Variants in CPVL observed in about 807,000 individuals in gnomAD.
CPVL encodes carboxypeptidase vitellogenic like.
Under a neutral mutation model 63.7 loss-of-function variants are expected in CPVL, and 51 were observed. The observed-to-expected ratio is 0.80, with a 90% CI of 0.64 to 1.01. CPVL has a LOEUF of 1.01. CPVL is among the 50% of genes least tolerant of loss of function. The pLI is 0.00. For synonymous variants in CPVL, 195 were observed against 206.0 expected (o/e 0.95, Z 0.46); for missense variants, 530 against 573.1 (o/e 0.92, Z 0.77).
chr7:29,059,987 T>C (rs768854992), intron 11 of CPVL, among the ~76,000 whole-genome samples: 5 of 152,186 alleles, frequency 3.3e-5, no homozygotes, highest in Non-Finnish European at 7.3e-5. Flanking sequence ...TTGTTTGGCT[T>C]TTTACTGTTG....
chr7:29,005,928 A>G (rs1371444117), intron 12 of CPVL, among the ~76,000 whole-genome samples: 5 of 152,220 alleles, frequency 3.3e-5, no homozygotes, highest in African/African-American at 1.2e-4. Flanking sequence ...GGAAGAGAGA[A>G]TAAGAGTGGG....
chr7:29,100,396 A>C (rs1389336925), intron 3 of CPVL, among the ~76,000 whole-genome samples: 1 of 152,212 alleles, frequency 6.6e-6, no homozygotes, highest in Non-Finnish European at 1.5e-5. Context: ...AGTCTTTCTC[A>C]AAAGCTCCCA....
At chr7:29,095,695 G>A (rs917472942) in intron 4 of CPVL, among the ~76,000 whole-genome samples, 14 of 152,066 alleles carry the variant, frequency 9.2e-5, no homozygotes, top group East Asian at 3.9e-4. Flanking sequence ...CGGGAATAGC[G>A]TCTTGCTTCC....
chr7:29,172,972 A>T (rs997593976), intron 5 of CPVL, among the ~76,000 whole-genome samples: 1 of 152,140 alleles, frequency 6.6e-6, no homozygotes, highest in South Asian at 2.1e-4. Context: ...TTCTACTAAA[A>T]ATACAAAAAT....
intron 3 of CPVL, among the ~76,000 whole-genome samples, chr7:29,100,811 A>G (rs896106187): frequency 2.0e-5 from 3 of 152,230 alleles, no homozygotes; most frequent in East Asian, 1.9e-4. Context: ...TTTTTAAAGA[A>G]AAGCCCACAC....
chr7:29,045,891 G>A (rs528670276), intron 11 of CPVL, among the ~76,000 whole-genome samples: 1 of 152,172 alleles, frequency 6.6e-6, no homozygotes, highest in Admixed American at 6.5e-5. Flanking sequence ...CCTAAAGGAA[G>A]ATCTTTTGAT....
At chr7:29,093,377 CAAAA>C (rs371165878) in intron 5 of CPVL, among the ~76,000 whole-genome samples, 3 of 70,012 alleles carry the variant, frequency 4.3e-5, no homozygotes, top group Admixed American at 1.7e-4. Flanking sequence ...ACTCCGTCTC[CAAAA>C]AAAAAAAAAA....
chr7:29,073,935 A>T (rs1783990527), intron 7 of CPVL, among the ~76,000 whole-genome samples: 1 of 152,232 alleles, frequency 6.6e-6, no homozygotes, highest in South Asian at 2.1e-4. Context: ...GACTAGAGAC[A>T]TTATGTGGAT....
At chr7:29,147,577 C>G (rs1792933843), upstream of CPVL, among the ~76,000 whole-genome samples, 1 of 152,192 alleles carries the variant, frequency 6.6e-6, no homozygotes, top group African/African-American at 2.4e-5. Context: ...CACTGAAAAA[C>G]TATGTGTAAA....
Position 29,071,760 on chromosome 7 carries a change from C to T in CPVL, c.864+13G>A. ...TAATTGCTCAAGGGCAGCACAGGGC[C>T]CCCAGAACTCACTTCAAAGGCCTCA... On this transcript the variant is annotated intron_variant, in intron 9 of 12. Coordinates refer to ENST00000265394, the MANE Select transcript of CPVL (RefSeq NM_031311.5). The T allele has an allele frequency of 6.2e-7, 1 of 1,610,350 alleles. No individual in the cohort carries two copies.
At chr7:29,022,475 C>T (rs763901677) in intron 12 of CPVL, among the ~76,000 whole-genome samples, 7 of 152,208 alleles carry the variant, frequency 4.6e-5, no homozygotes, top group Non-Finnish European at 1.0e-4. Context: ...CTGCCACACG[C>T]ATCACCCACA....
At chr7:29,100,569 G>C (rs995398957) in intron 3 of CPVL, among the ~76,000 whole-genome samples, 1 of 152,106 alleles carries the variant, frequency 6.6e-6, no homozygotes, top group Non-Finnish European at 1.5e-5. Context: ...CAATGAACCG[G>C]ACCTCTGGAC....
At chr7:29,073,703 T>A (rs1783968160) in intron 7 of CPVL, among the ~76,000 whole-genome samples, 1 of 152,196 alleles carries the variant, frequency 6.6e-6, no homozygotes, top group Non-Finnish European at 1.5e-5. Flanking sequence ...CTTATCATTC[T>A]CCAACAAACT....
intron 3 of CPVL, among the ~76,000 whole-genome samples, chr7:29,108,133 A>G (rs2128626114): frequency 6.6e-6 from 1 of 152,242 alleles, no homozygotes; most frequent in Admixed American, 6.5e-5. Context: ...TGTAATCCTG[A>G]TCTTTCATAG....
At chr7:29,094,709 A>T (rs1223375255) in intron 5 of CPVL, among the ~76,000 whole-genome samples, 1 of 151,970 alleles carries the variant, frequency 6.6e-6, no homozygotes, top group Non-Finnish European at 1.5e-5. Flanking sequence ...CTAAAAATAC[A>T]AAAATCAGCC....
chr7:29,093,820 G>C (rs915683134), intron 5 of CPVL, among the ~76,000 whole-genome samples: 2 of 152,186 alleles, frequency 1.3e-5, no homozygotes, highest in East Asian at 3.8e-4. Flanking sequence ...CAAGGTGGGG[G>C]AAAGAGCATG....
At chr7:29,134,262 G>A (rs142363447) in intron 1 of CPVL, among the ~76,000 whole-genome samples, 100 of 152,288 alleles carry the variant, frequency 6.6e-4, no homozygotes, top group African/African-American at 2.3e-3. Context: ...CTTAGAGAAA[G>A]AACCTACACA....
At chr7:29,030,272 C>A (rs73684542) in intron 12 of CPVL, among the ~76,000 whole-genome samples, 13,600 of 152,252 alleles carry the variant, frequency 0.089, 1,822 homozygotes, top group African/African-American at 0.29. Flanking sequence ...TTGCCAAGTT[C>A]TCTCCCCAAA....
chr7:29,129,458 T>C (rs1020569309), intron 1 of CPVL, among the ~76,000 whole-genome samples: 1 of 147,782 alleles, frequency 6.8e-6, no homozygotes, highest in Admixed American at 7.0e-5. Flanking sequence ...GCAAAAGTAA[T>C]TGTGGTTTTT....
Sources: allele counts gnomAD v4.1 joint callset (sites outside exome capture counted in the v4.1 genomes callset), GRCh38; gene constraint gnomAD v4.1.1; transcripts MANE v1.5; gene names NCBI Gene and HGNC (gene_info 2026-07-23, HGNC 2026-07-21).